Variants in SANBR observed in about 807,000 individuals in gnomAD.
SANBR encodes SANT and BTB domain regulator of CSR.
Under a neutral mutation model 101.8 loss-of-function variants are expected in SANBR, and 77 were observed. The observed-to-expected ratio is 0.76, with a 90% confidence interval of 0.63 to 0.91. The LOEUF is 0.91. Ranked by LOEUF, SANBR falls within the 40% of genes least tolerant of loss-of-function variation. SANBR has a pLI of 0.00. For missense variants in SANBR, 875 were observed against 853.0 expected (o/e 1.03, Z -0.32); for synonymous variants, 279 against 274.7 (o/e 1.02, Z -0.15).
In SANBR at chr2:61,073,530, A is replaced by G; in HGVS notation, c.410A>G (p.Glu137Gly). 1 of 1,572,416 alleles carries G rather than the reference A, an allele frequency of 6.4e-7. No homozygotes were observed. The highest frequency in any genetic ancestry group is 8.7e-7 in the Non-Finnish European group (1 of 1,154,644). ...AATTGTACTACTCATAATGGTGGAG[A>G]AATGACTGAAGAATCTGAAGGGTAG... ...SENCTTHNGG[E>G]MTEESEGPNM... The change falls in exon 5 of 22, where the codon GAA becomes GGA. Residue 137 changes from glutamate to glycine, a missense_variant. By Grantham distance (98) the Glu-to-Gly change is moderately conservative (BLOSUM62 -2). Coordinates refer to ENST00000402291, the MANE Select transcript of SANBR (RefSeq NM_001129993.3).
At chr2:61,098,763 C>CA (rs1339879999) in intron 12 of SANBR, among the ~76,000 whole-genome samples, 1 of 152,172 alleles carries the variant, frequency 6.6e-6, no homozygotes, top group Non-Finnish European at 1.5e-5. Context: ...ATCATCCATA[C>CA]AAAAAATATT....
intron 21 of SANBR, chr2:61,121,480 T>A (rs1684329735): frequency 2.4e-6 from 1 of 412,314 alleles, no homozygotes; most frequent in Non-Finnish European, 4.5e-6. Flanking sequence ...GTGGATTTTT[T>A]AAAGTTTTCT....
At chr2:61,103,208 T>C (rs1336276952) in intron 12 of SANBR, among the ~76,000 whole-genome samples, 1 of 151,358 alleles carries the variant, frequency 6.6e-6, no homozygotes, top group African/African-American at 2.4e-5. Context: ...TGATCATGGC[T>C]AAAGGCAATC....
At chr2:61,090,482 C>G (rs1164275817) in intron 10 of SANBR, 1 of 150,922 alleles carries the variant, frequency 6.6e-6, no homozygotes, top group Non-Finnish European at 1.5e-5. Flanking sequence ...ATTTTAGAGA[C>G]AGTCTTTGTT....
chr2:61,085,551 C>A (rs375080034), intron 8 of SANBR, among the ~76,000 whole-genome samples: 110 of 152,022 alleles, frequency 7.2e-4, no homozygotes, highest in African/African-American at 2.6e-3. Context: ...ACTCTTGTCA[C>A]CCAGGCTGGA....
At chr2:61,125,390 C>T (rs560351084), downstream of SANBR, among the ~76,000 whole-genome samples, 9 of 152,248 alleles carry the variant, frequency 5.9e-5, no homozygotes, top group South Asian at 4.1e-4. Flanking sequence ...TAATACTTTT[C>T]GTGGTTTCTA....
intron 4 of SANBR, among the ~76,000 whole-genome samples, chr2:61,072,970 G>A (rs910817131): frequency 4.6e-5 from 7 of 151,530 alleles, no homozygotes; most frequent in Admixed American, 4.0e-4. Context: ...GGAACTACAC[G>A]TACATGCTAC....
At chr2:61,130,567 C>T (rs1684656559) in intron 20 of SANBR, among the ~76,000 whole-genome samples, 1 of 152,000 alleles carries the variant, frequency 6.6e-6, no homozygotes, top group Non-Finnish European at 1.5e-5. Flanking sequence ...TACTCTATGA[C>T]CAAGGGAGAT....
Position 61,116,086 on chromosome 2 carries a change from C to G in SANBR, c.1836+16C>G, listed in dbSNP as rs754833904. 1.2e-5 allele frequency: 19 copies of G among 1,535,998 alleles called. No individual in the cohort carries two copies. The Middle Eastern group carries it at 1.7e-3, about 138-fold the overall frequency. ...ATTGGAGAAGGTAACTCTGAATTATCTGTTGTTAAAGTTCATATGGAAAAA... is the reference window on the plus strand; with the variant it reads ...ATTGGAGAAGGTAACTCTGAATTATGTGTTGTTAAAGTTCATATGGAAAAA... On this transcript the variant is annotated intron_variant, in intron 17 of 21. Transcript: ENST00000402291.
chr2:61,082,503 T>G (rs1682186732), intron 7 of SANBR, among the ~76,000 whole-genome samples: 1 of 152,104 alleles, frequency 6.6e-6, no homozygotes, highest in South Asian at 2.1e-4. Context: ...AAAAGGAGGC[T>G]TAAAGTTCTA....
chr2:61,080,715 A>G (rs1682072679), intron 6 of SANBR, among the ~76,000 whole-genome samples: 2 of 151,962 alleles, frequency 1.3e-5, no homozygotes, highest in African/African-American at 4.8e-5. Flanking sequence ...GTGAGACTCC[A>G]TCTCAAAAAA....
chr2:61,131,411 C>T (rs1425649534), intron 20 of SANBR, among the ~76,000 whole-genome samples: 1 of 151,902 alleles, frequency 6.6e-6, no homozygotes, highest in Non-Finnish European at 1.5e-5. Context: ...AATGAAAAAT[C>T]TAAAATTGAA....
At chr2:61,067,147 A>G (rs1681218807) in intron 1 of SANBR, among the ~76,000 whole-genome samples, 1 of 152,192 alleles carries the variant, frequency 6.6e-6, no homozygotes, top group South Asian at 2.1e-4. Flanking sequence ...GATTTCTTGG[A>G]CATTCATTTA....
chr2:61,084,195 C>T (rs1448817464), intron 8 of SANBR, among the ~76,000 whole-genome samples: 7 of 152,146 alleles, frequency 4.6e-5, no homozygotes, highest in Non-Finnish European at 8.8e-5. Flanking sequence ...CTCAAGCAAT[C>T]CACCCGCCTT....
intron 12 of SANBR, among the ~76,000 whole-genome samples, chr2:61,103,338 C>T (rs912773941): frequency 1.3e-5 from 2 of 151,968 alleles, no homozygotes; most frequent in African/African-American, 2.4e-5. Context: ...AGGGTTTTGC[C>T]ATGTTGTCCA....
chr2:61,128,852 C>G (rs1684593768), downstream of SANBR, among the ~76,000 whole-genome samples: 2 of 151,814 alleles, frequency 1.3e-5, no homozygotes, highest in Non-Finnish European at 2.9e-5. Context: ...ATTCCAGCTA[C>G]TTGGGAGGCT....
chr2:61,098,059 A>T (rs1413415647), intron 12 of SANBR, among the ~76,000 whole-genome samples: 1 of 23,152 alleles, frequency 4.3e-5, no homozygotes, highest in African/African-American at 1.1e-3. Context: ...GGCACAAATT[A>T]TATATATATA....
At chr2:61,070,603 C>A in intron 3 of SANBR, 103 bp downstream of exon 3, 1 of 1,002,600 alleles carries the variant, frequency 1.0e-6, no homozygotes, top group South Asian at 1.5e-5. Flanking sequence ...TTTACATATT[C>A]AAATGCATGT....
chr2:61,100,110 T>C (rs1397431155), intron 12 of SANBR, among the ~76,000 whole-genome samples: 1 of 152,132 alleles, frequency 6.6e-6, no homozygotes, highest in Non-Finnish European at 1.5e-5. Context: ...TTGGGGGTTT[T>C]TCGTTTGTTT....
Sources: allele counts gnomAD v4.1 joint callset (sites outside exome capture counted in the v4.1 genomes callset), GRCh38; gene constraint gnomAD v4.1.1; transcripts MANE v1.5; gene names NCBI Gene and HGNC (gene_info 2026-07-23, HGNC 2026-07-21).